The following FBXL7 variants were observed in gnomAD, a reference collection of about 807,000 sequenced individuals.
FBXL7 encodes F-box/LRR-repeat protein 7.
A neutral mutation model predicts 38.3 loss-of-function variants in FBXL7; 12 were observed. The ratio of observed to expected loss-of-function variants is 0.31; its 90% CI spans 0.20 to 0.51. FBXL7 has a LOEUF of 0.51. FBXL7 is among the 20% of genes least tolerant of loss of function. The probability of loss-of-function intolerance (pLI) is 0.98; values close to 1 mark genes in which losing one functional copy is unlikely to be tolerated. For missense variants in FBXL7, 567 were observed against 676.4 expected, an observed-to-expected ratio of 0.84 and a Z score of 1.79; for synonymous variants, 297 against 300.9, an observed-to-expected ratio of 0.99 and a Z score of 0.13.
At chr5:15,625,715 T>G (rs747678379) in intron 2 of FBXL7, among the ~76,000 whole-genome samples, 1 of 152,070 alleles carries the variant, frequency 6.6e-6, no homozygotes, top group Non-Finnish European at 1.5e-5. Flanking sequence ...AAAACCCAAC[T>G]GAGCCATGGA....
intron 2 of FBXL7, among the ~76,000 whole-genome samples, chr5:15,849,022 T>C (rs1272390384): frequency 6.6e-6 from 1 of 152,228 alleles, no homozygotes; most frequent in Non-Finnish European, 1.5e-5. Context: ...TCTTAGCGCT[T>C]AATGTATAAA....
At chr5:15,570,750 A>C (rs558352756) in intron 1 of FBXL7, among the ~76,000 whole-genome samples, 2 of 152,316 alleles carry the variant, frequency 1.3e-5, no homozygotes, top group Non-Finnish European at 2.9e-5. Context: ...GTTGCCCCTC[A>C]GCTGACTGAA....
intron 2 of FBXL7, among the ~76,000 whole-genome samples, chr5:15,757,664 G>A (rs1736333400): frequency 3.9e-5 from 6 of 152,126 alleles, no homozygotes; most frequent in Admixed American, 3.9e-4. Flanking sequence ...GCTGCAGGAT[G>A]GCTGTGAAAT....
At chr5:15,517,187 C>T (rs1028896003) in intron 1 of FBXL7, among the ~76,000 whole-genome samples, 8 of 152,146 alleles carry the variant, frequency 5.3e-5, no homozygotes, top group African/African-American at 1.4e-4. Flanking sequence ...CCACCATGTC[C>T]GGCTAACGTT....
At chr5:15,786,147 T>G (rs1308683958) in intron 2 of FBXL7, among the ~76,000 whole-genome samples, 1 of 152,162 alleles carries the variant, frequency 6.6e-6, no homozygotes, top group Admixed American at 6.5e-5. Context: ...TCATCACAAG[T>G]TCCACACTCC....
At chr5:15,849,621 C>T (rs1159892895) in intron 2 of FBXL7, among the ~76,000 whole-genome samples, 1 of 152,198 alleles carries the variant, frequency 6.6e-6, no homozygotes, top group Non-Finnish European at 1.5e-5. Flanking sequence ...GCCTCCCCAG[C>T]CATGTGGAAC....
At chr5:15,864,491 A>G (rs990534535) in intron 2 of FBXL7, among the ~76,000 whole-genome samples, 1 of 152,024 alleles carries the variant, frequency 6.6e-6, no homozygotes, top group African/African-American at 2.4e-5. Context: ...AAGCCCTGTC[A>G]TTGATATTCT....
chr5:15,929,339 G>A (rs1741976933), intron 3 of FBXL7, among the ~76,000 whole-genome samples: 1 of 152,244 alleles, frequency 6.6e-6, no homozygotes. Flanking sequence ...ATTGAAGGAA[G>A]TCGGGCGTAG....
chr5:15,757,777 C>T (rs1454076118), intron 2 of FBXL7, among the ~76,000 whole-genome samples: 2 of 152,084 alleles, frequency 1.3e-5, no homozygotes, highest in African/African-American at 2.4e-5. Context: ...ACGTTTTGTG[C>T]ACTTAAGGTA....
At position 15,543,022 on chromosome 5, in the gene FBXL7, T is replaced by C. The variant is rs118042780; in HGVS notation, c.37+42309T>C. 2.6e-5 allele frequency among the ~76,000 whole-genome samples: 4 copies of C among 152,320 alleles called. No individual in the cohort carries two copies. The East Asian group carries it at 7.7e-4, about 29-fold the overall frequency. Reference sequence around the variant, plus strand: ...TTCCTGAGCAGTGAAGTTACAAATATAGATTTAATAGATGTCCATTTCTGA... The same window carrying C: ...TTCCTGAGCAGTGAAGTTACAAATACAGATTTAATAGATGTCCATTTCTGA... On this transcript the variant is annotated intron_variant, in intron 1 of 3. Transcript: ENST00000504595.
chr5:15,657,199 C>CT (rs1258762875), intron 2 of FBXL7, among the ~76,000 whole-genome samples: 1 of 151,956 alleles, frequency 6.6e-6, no homozygotes, highest in South Asian at 2.1e-4. Flanking sequence ...GAATTTAAGT[C>CT]TTTTTTTCTT....
intron 2 of FBXL7, among the ~76,000 whole-genome samples, chr5:15,659,326 T>C (rs1741984652): frequency 6.6e-6 from 1 of 150,768 alleles, no homozygotes; most frequent in African/African-American, 2.5e-5. Context: ...CCCAGATAAT[T>C]AGAAAAACAA....
intron 2 of FBXL7, among the ~76,000 whole-genome samples, chr5:15,692,726 C>A (rs752215002): frequency 1.3e-5 from 2 of 152,122 alleles, no homozygotes; most frequent in Non-Finnish European, 2.9e-5. Context: ...GGTTGTTATT[C>A]GTACATAGGG....
chr5:15,748,769 C>T (rs1736079738), intron 2 of FBXL7, among the ~76,000 whole-genome samples: 2 of 152,148 alleles, frequency 1.3e-5, no homozygotes. Context: ...GTGATGCAAT[C>T]ATAGCTCACT....
chr5:15,659,921 T>C (rs1207561839), intron 2 of FBXL7, among the ~76,000 whole-genome samples: 2 of 152,208 alleles, frequency 1.3e-5, no homozygotes, highest in East Asian at 3.8e-4. Context: ...GGAGAAACTA[T>C]AAACTTTATT....
chr5:15,721,809 C>T (rs759209318), intron 2 of FBXL7, among the ~76,000 whole-genome samples: 2 of 151,800 alleles, frequency 1.3e-5, no homozygotes, highest in African/African-American at 4.8e-5. Flanking sequence ...ATTTCTCAGC[C>T]CAGATAAGAA....
intron 2 of FBXL7, among the ~76,000 whole-genome samples, chr5:15,623,279 C>T (rs1161139745): frequency 6.6e-6 from 1 of 152,196 alleles, no homozygotes; most frequent in Non-Finnish European, 1.5e-5. Flanking sequence ...TAACTTTCTT[C>T]AGTAGATTAG....
intron 1 of FBXL7, among the ~76,000 whole-genome samples, chr5:15,597,409 G>T (rs982478630): frequency 7.1e-6 from 1 of 140,942 alleles, no homozygotes. Context: ...TTTTATAAAA[G>T]ATATATAAAT....
chr5:15,692,272 A>G lies in FBXL7; in HGVS notation c.127+76200A>G, dbSNP rs7708328. ...GGGAATTAACTGAGGTAATGCATTTAAGTTACTTGGAATAGTGATTGGCAC... is the reference window on the plus strand; with the variant it reads ...GGGAATTAACTGAGGTAATGCATTTGAGTTACTTGGAATAGTGATTGGCAC... On this transcript the variant is annotated intron_variant, in intron 2 of 3. Transcript: ENST00000504595. Among the ~76,000 whole-genome samples, 324 of 152,342 alleles carry G rather than the reference A, an allele frequency of 2.1e-3. 2 individuals carry two copies. Among genetic ancestry groups the G allele is most frequent in the African/African-American group, 7.5e-3 (310 of 41,588 alleles).
Sources: allele counts gnomAD v4.1 joint callset (sites outside exome capture counted in the v4.1 genomes callset), GRCh38; gene constraint gnomAD v4.1.1; transcripts MANE v1.5; gene names NCBI Gene and HGNC (gene_info 2026-07-23, HGNC 2026-07-21).